Variants in GRAMD2B observed in about 807,000 individuals in gnomAD.
GRAMD2B encodes GRAM domain containing 2B.
Under a neutral mutation model 59.2 loss-of-function variants are expected in GRAMD2B, and 41 were observed. That is an observed-to-expected ratio of 0.69 (90% CI 0.54 to 0.90). The LOEUF (loss-of-function observed/expected upper bound fraction) is 0.90, where lower values mean the gene tolerates loss of function less well. GRAMD2B is among the 40% of genes least tolerant of loss of function. The pLI, the probability that GRAMD2B is intolerant of heterozygous loss-of-function variation, is 0.00. For synonymous variants in GRAMD2B, 161 were observed against 182.7 expected (o/e 0.88, Z 0.96); for missense variants, 424 against 500.5 (o/e 0.85, Z 1.46).
intron 1 of GRAMD2B, among the ~76,000 whole-genome samples, chr5:126,402,446 C>T (rs1757919627): frequency 6.6e-6 from 1 of 152,042 alleles, no homozygotes; most frequent in Non-Finnish European, 1.5e-5. Context: ...AGCCTTCATT[C>T]CAGGACAACA....
At chr5:126,450,166 A>G (rs1442630092) in intron 1 of GRAMD2B, among the ~76,000 whole-genome samples, 1 of 152,098 alleles carries the variant, frequency 6.6e-6, no homozygotes, top group Non-Finnish European at 1.5e-5. Flanking sequence ...GGTAAGAGGC[A>G]GCTCTTCTTT....
chr5:126,470,304 G>A (rs985681241), intron 3 of GRAMD2B, among the ~76,000 whole-genome samples: 2 of 152,194 alleles, frequency 1.3e-5, no homozygotes, highest in Admixed American at 1.3e-4. Context: ...TGTGATGCAT[G>A]TGCTGGGGAC....
chr5:126,401,986 G>A (rs1436886939), intron 1 of GRAMD2B, among the ~76,000 whole-genome samples: 1 of 152,006 alleles, frequency 6.6e-6, no homozygotes, highest in Non-Finnish European at 1.5e-5. Context: ...TCACTGGTAG[G>A]CTTTCAAATT....
chr5:126,413,704 C>A (rs1012934450), intron 1 of GRAMD2B, among the ~76,000 whole-genome samples: 13 of 152,120 alleles, frequency 8.5e-5, no homozygotes, highest in African/African-American at 2.6e-4. Context: ...GTAATGAAGT[C>A]CCCCACTATT....
At chr5:126,409,051 G>A (rs1758522891) in intron 1 of GRAMD2B, among the ~76,000 whole-genome samples, 1 of 151,498 alleles carries the variant, frequency 6.6e-6, no homozygotes, top group South Asian at 2.1e-4. Context: ...AGTATTCCAT[G>A]GTGTATATGT....
intron 1 of GRAMD2B, among the ~76,000 whole-genome samples, chr5:126,447,406 T>C (rs1164468267): frequency 1.3e-5 from 2 of 152,198 alleles, no homozygotes; most frequent in African/African-American, 2.4e-5. Context: ...CTCACGCCTG[T>C]AATCCCAGCA....
intron 1 of GRAMD2B, among the ~76,000 whole-genome samples, chr5:126,384,866 T>G (rs1396202518): frequency 3.3e-5 from 5 of 152,258 alleles, no homozygotes; most frequent in Non-Finnish European, 5.9e-5. Flanking sequence ...TTCTCTGTGC[T>G]CACATTGTGC....
chr5:126,469,457 C>T (rs537191582), intron 2 of GRAMD2B, among the ~76,000 whole-genome samples: 313 of 152,178 alleles, frequency 2.1e-3, no homozygotes, highest in Non-Finnish European at 2.9e-3. Flanking sequence ...GTCTGGGCAA[C>T]GTGGTGAAAC....
intron 1 of GRAMD2B, among the ~76,000 whole-genome samples, chr5:126,380,667 A>G (rs992632373): frequency 2.6e-5 from 4 of 152,070 alleles, no homozygotes; most frequent in Admixed American, 6.5e-5. Context: ...CAGCTATTGT[A>G]AAAGGGGTTG....
chr5:126,394,966 A>G lies in GRAMD2B; in HGVS notation c.125+23399A>G, dbSNP rs530683733. Among the ~76,000 whole-genome samples, 29 of 152,308 alleles carry G rather than the reference A, an allele frequency of 1.9e-4. No homozygotes were observed. The East Asian group carries it at 5.6e-3, about 29-fold the overall frequency. ...GGATACTATTGAAATTTGGGCATTA[A>G]AGTTATAACTGTGGGTCTCCAAAGT... is the stretch of plus-strand genomic sequence containing the variant. On this transcript the variant is annotated intron_variant, in intron 1 of 8. Transcript: ENST00000506445.
chr5:126,410,193 A>G (rs1758656570), intron 1 of GRAMD2B, among the ~76,000 whole-genome samples: 1 of 152,160 alleles, frequency 6.6e-6, no homozygotes, highest in Admixed American at 6.5e-5. Flanking sequence ...GTTCCATATG[A>G]ACTTTAAAGT....
intron 1 of GRAMD2B, among the ~76,000 whole-genome samples, chr5:126,396,695 G>A (rs1011523093): frequency 6.6e-6 from 1 of 152,132 alleles, no homozygotes; most frequent in Non-Finnish European, 1.5e-5. Context: ...TATATACCCA[G>A]TAATGGATTG....
intron 1 of GRAMD2B, among the ~76,000 whole-genome samples, chr5:126,443,318 G>C (rs374985999): frequency 6.6e-6 from 1 of 152,220 alleles, no homozygotes; most frequent in African/African-American, 2.4e-5. Context: ...GGAATTCACA[G>C]ACTGATCTTT....
At chr5:126,418,354 T>A (rs912284849) in intron 1 of GRAMD2B, among the ~76,000 whole-genome samples, 2 of 152,368 alleles carry the variant, frequency 1.3e-5, no homozygotes, top group Admixed American at 1.3e-4. Context: ...AAAAATAACA[T>A]GAACTGGAAG....
intron 1 of GRAMD2B, among the ~76,000 whole-genome samples, chr5:126,460,775 C>A (rs1472408266): frequency 6.6e-6 from 1 of 152,204 alleles, no homozygotes; most frequent in African/African-American, 2.4e-5. Flanking sequence ...ATGGTTTTCA[C>A]TACAGTTTCA....
At chr5:126,393,669 C>T (rs1443606100) in intron 1 of GRAMD2B, among the ~76,000 whole-genome samples, 3 of 152,138 alleles carry the variant, frequency 2.0e-5, no homozygotes, top group Non-Finnish European at 4.4e-5. Flanking sequence ...ATTTGCAGAC[C>T]ATACCAGCCC....
chr5:126,396,685 T>A (rs1757390157), intron 1 of GRAMD2B, among the ~76,000 whole-genome samples: 1 of 152,190 alleles, frequency 6.6e-6, no homozygotes, highest in African/African-American at 2.4e-5. Context: ...TTCCTTTTGG[T>A]ATATACCCAG....
At chr5:126,417,161 C>T (rs1759331028) in intron 1 of GRAMD2B, among the ~76,000 whole-genome samples, 1 of 152,242 alleles carries the variant, frequency 6.6e-6, no homozygotes, top group African/African-American at 2.4e-5. Context: ...TTGGTATTCA[C>T]ATCTTGTGTA....
At chr5:126,363,125 A>C (rs1754292822) in intron 1 of GRAMD2B, among the ~76,000 whole-genome samples, 1 of 152,190 alleles carries the variant, frequency 6.6e-6, no homozygotes, top group Admixed American at 6.5e-5. Flanking sequence ...CAATAATAAA[A>C]AGACAAATAA....
Sources: allele counts gnomAD v4.1 joint callset (sites outside exome capture counted in the v4.1 genomes callset), GRCh38; gene constraint gnomAD v4.1.1; transcripts MANE v1.5; gene names NCBI Gene and HGNC (gene_info 2026-07-23, HGNC 2026-07-21).